The following POU2F3 variants were observed in gnomAD, a reference collection of about 807,000 sequenced individuals.
POU2F3 encodes POU domain, class 2, transcription factor 3.
In POU2F3, 23 loss-of-function variants were observed where a neutral mutation model predicts 59.2. The observed-to-expected ratio is 0.39, with a 90% CI of 0.28 to 0.55. The LOEUF is 0.55. Among genes scored for constraint, POU2F3 ranks in the 20% least tolerant of loss-of-function variants. The probability of loss-of-function intolerance (pLI) is 0.66; values close to 1 mark genes in which losing one functional copy is unlikely to be tolerated. For missense variants in POU2F3, 473 were observed against 544.5 expected (o/e 0.87, Z 1.31); for synonymous variants, 190 against 214.6 (o/e 0.89, Z 1.00).
At chr11:120,286,795 G>C (rs904935078) in intron 3 of POU2F3, among the ~76,000 whole-genome samples, 12 of 151,714 alleles carry the variant, frequency 7.9e-5, no homozygotes, top group Non-Finnish European at 1.8e-4. Context: ...CTTATGACTT[G>C]CTTCCCTTCC....
upstream of POU2F3, chr11:120,236,652 C>A (rs530388175): frequency 9.4e-6 from 14 of 1,485,662 alleles, no homozygotes; most frequent in Non-Finnish European, 1.3e-5. Flanking sequence ...CACTCCAGCC[C>A]AGAGCTCAAA....
chr11:120,289,491 A>G (rs1940944646), intron 3 of POU2F3, among the ~76,000 whole-genome samples: 1 of 152,122 alleles, frequency 6.6e-6, no homozygotes, highest in African/African-American at 2.4e-5. Context: ...TAGTTCCACC[A>G]TGCCCTCAGA....
intron 2 of POU2F3, chr11:120,259,417 G>A (rs894800089): frequency 6.6e-6 from 1 of 152,220 alleles, no homozygotes; most frequent in African/African-American, 2.4e-5. Context: ...AAAAGGGAAA[G>A]CCAGGATCCA....
intron 3 of POU2F3, among the ~76,000 whole-genome samples, chr11:120,277,459 T>G (rs1325307832): frequency 6.6e-6 from 1 of 151,772 alleles, no homozygotes; most frequent in Non-Finnish European, 1.5e-5. Flanking sequence ...GTAAAACCCC[T>G]TTAATATCTT....
intron 6 of POU2F3, 120 bp downstream of exon 6, chr11:120,302,488 C>CCCTGTT: frequency 1.1e-6 from 1 of 882,664 alleles, no homozygotes; most frequent in Non-Finnish European, 1.7e-6. Flanking sequence ...GAGGGGATAG[C>CCCTGTT]AGGGAACTAT....
chr11:120,246,588 G>T, intron 2 of POU2F3, 71 bp downstream of exon 2: 1 of 1,523,760 alleles, frequency 6.6e-7, no homozygotes, highest in Non-Finnish European at 9.0e-7. Context: ...TTGAACAACT[G>T]GTGTCTCTTC....
chr11:120,256,084 C>G (rs1939333122), intron 2 of POU2F3: 1 of 152,188 alleles, frequency 6.6e-6, no homozygotes, highest in African/African-American at 2.4e-5. Flanking sequence ...GTCTCTAAAA[C>G]AACTTCCAGC....
At chr11:120,243,521 T>C (rs1487262710) in intron 1 of POU2F3, among the ~76,000 whole-genome samples, 2 of 152,200 alleles carry the variant, frequency 1.3e-5, no homozygotes, top group Non-Finnish European at 2.9e-5. Context: ...ACAGAGCAGC[T>C]GAGCCTCCCC....
chr11:120,310,860 G>A (rs1941632248), intron 10 of POU2F3, among the ~76,000 whole-genome samples: 1 of 152,224 alleles, frequency 6.6e-6, no homozygotes, highest in Non-Finnish European at 1.5e-5. Context: ...GGACCTCACT[G>A]CCTAGCAGAG....
chr11:120,307,624 C>T lies in POU2F3; in HGVS notation c.906+9C>T. 1.2e-6 allele frequency: 2 copies of T among 1,614,012 alleles called. No homozygotes were observed. Among genetic ancestry groups the T allele is most frequent in the Non-Finnish European group, 1.7e-6 (2 of 1,179,938 alleles). ...AGAAGAGGTTTCAAGATGTGAGCAG[C>T]ACCTTCGGGTGGGCACGGGTGGGCT... On this transcript the variant is annotated intron_variant, in intron 9 of 12. Coordinates refer to ENST00000543440, the MANE Select transcript of POU2F3 (RefSeq NM_014352.4).
At chr11:120,271,414 T>C (rs1181277169) in intron 3 of POU2F3, among the ~76,000 whole-genome samples, 3 of 152,252 alleles carry the variant, frequency 2.0e-5, no homozygotes, top group Non-Finnish European at 2.9e-5. Flanking sequence ...GTGATTCTGA[T>C]GGATTCTCTG....
chr11:120,310,930 C>A (rs1294896966), intron 10 of POU2F3, among the ~76,000 whole-genome samples: 1 of 152,218 alleles, frequency 6.6e-6, no homozygotes, highest in Non-Finnish European at 1.5e-5. Context: ...AACTTAGGAG[C>A]AGCAGCTAAC....
intron 1 of POU2F3, among the ~76,000 whole-genome samples, chr11:120,242,947 C>G (rs149034834): frequency 1.6e-3 from 236 of 152,196 alleles, no homozygotes; most frequent in African/African-American, 5.5e-3. Flanking sequence ...CAGTGGGAAG[C>G]CAGCGGGCGG....
intron 3 of POU2F3, among the ~76,000 whole-genome samples, chr11:120,281,078 C>T (rs1170799485): frequency 3.9e-5 from 6 of 152,106 alleles, no homozygotes; most frequent in African/African-American, 9.7e-5. Flanking sequence ...AGAATCATAG[C>T]CTTGGCTAAA....
Position 120,240,310 on chromosome 11 carries a change from G to C in POU2F3, c.-34G>C. 4.4e-6 allele frequency: 6 copies of C among 1,361,000 alleles called. No individual in the cohort carries two copies. The highest frequency in any genetic ancestry group is 5.7e-6 in the Non-Finnish European group (6 of 1,046,396). The allele number at this position is 1,361,000 out of a possible 1,614,324, so 84.3% of individuals were successfully genotyped here. On this transcript the variant is annotated 5_prime_UTR_variant, in exon 1 of 13. Transcript: ENST00000543440. The stretch of plus-strand genomic sequence containing the variant: ...GGCTGGGGCAGAGGCGAGGGGCCTG[G>C]GGGGGCGCTGGCTTTGGCCCCGCCT...
At chr11:120,250,967 A>G (rs1440779672) in intron 2 of POU2F3, among the ~76,000 whole-genome samples, 3 of 149,972 alleles carry the variant, frequency 2.0e-5, no homozygotes, top group Non-Finnish European at 4.4e-5. Flanking sequence ...ACAGAGCAAA[A>G]CTCCGTCTCA....
rs994649785 is a variant in POU2F3, at chr11:120,317,435, C to T, written c.1271+71C>T. 6.3e-6 allele frequency: 10 copies of T among 1,578,540 alleles called. No individual in the cohort carries two copies. In the African/African-American group the frequency reaches 1.4e-4, roughly 21 times the overall value. On this transcript the variant is annotated intron_variant, in intron 12 of 12. Transcript: ENST00000543440. ...GACATGTGAGAAGCTGAGCCTATGC[C>T]TTGGGAAAGAAAGCTTGTCATAGAA...
At chr11:120,250,080 T>A (rs970936571) in intron 2 of POU2F3, 15 of 152,232 alleles carry the variant, frequency 9.9e-5, no homozygotes, top group African/African-American at 2.4e-5. Flanking sequence ...TTTTAAAGGA[T>A]GTGTGCCCAG....
chr11:120,311,120 T>G (rs1941638962), intron 10 of POU2F3, among the ~76,000 whole-genome samples: 1 of 151,550 alleles, frequency 6.6e-6, no homozygotes, highest in South Asian at 2.1e-4. Context: ...GAACTGCAAG[T>G]GGTTCCATGA....
Sources: allele counts gnomAD v4.1 joint callset (sites outside exome capture counted in the v4.1 genomes callset), GRCh38; gene constraint gnomAD v4.1.1; transcripts MANE v1.5; gene names NCBI Gene and HGNC (gene_info 2026-07-23, HGNC 2026-07-21).